CHN1: variants seen among roughly 807,000 people sequenced by gnomAD.
The protein encoded by CHN1 is chimerin 1.
A neutral mutation model predicts 59.5 loss-of-function variants in CHN1; 37 were observed. That is an observed-to-expected ratio of 0.62 (90% CI 0.48 to 0.82). The LOEUF (loss-of-function observed/expected upper bound fraction) is 0.82, where lower values mean the gene tolerates loss of function less well. CHN1 is among the 40% of genes least tolerant of loss of function. CHN1 has a pLI of 0.00. For synonymous variants in CHN1, 206 were observed against 200.4 expected (o/e 1.03, Z -0.24); for missense variants, 469 against 571.0 (o/e 0.82, Z 1.82).
At chr2:174,807,710 G>T (rs532625966) in intron 11 of CHN1, among the ~76,000 whole-genome samples, 2 of 152,216 alleles carry the variant, frequency 1.3e-5, no homozygotes, top group East Asian at 3.9e-4. Flanking sequence ...CTACATGGGA[G>T]CTTGAGCTGA....
intron 3 of CHN1, among the ~76,000 whole-genome samples, chr2:174,923,062 A>C (rs1470320497): frequency 1.3e-5 from 2 of 152,206 alleles, no homozygotes; most frequent in Non-Finnish European, 2.9e-5. Context: ...TTCAATCTTG[A>C]CCATAATATC....
intron 5 of CHN1, among the ~76,000 whole-genome samples, chr2:174,883,501 A>T (rs1687797051): frequency 6.6e-6 from 1 of 152,176 alleles, no homozygotes; most frequent in African/African-American, 2.4e-5. Context: ...AAAAAGACTT[A>T]AGAGTAGAGA....
At chr2:174,832,480 C>T (rs1462030000) in intron 7 of CHN1, among the ~76,000 whole-genome samples, 1 of 152,042 alleles carries the variant, frequency 6.6e-6, no homozygotes, top group African/African-American at 2.4e-5. Context: ...ACTTTAGCCA[C>T]ATTCTATGAA....
chr2:174,901,743 C>T (rs1688394406), intron 5 of CHN1, among the ~76,000 whole-genome samples: 1 of 152,162 alleles, frequency 6.6e-6, no homozygotes, highest in Middle Eastern at 3.4e-3. Flanking sequence ...CTTTGAGGGC[C>T]ATGAGATTAT....
At chr2:174,949,739 T>A (rs1249504975) in intron 2 of CHN1, among the ~76,000 whole-genome samples, 1 of 152,228 alleles carries the variant, frequency 6.6e-6, no homozygotes, top group Non-Finnish European at 1.5e-5. Flanking sequence ...CATAATCTTA[T>A]AAGAAAATTT....
At position 175,005,366 on chromosome 2, in the gene CHN1, C is replaced by A; in HGVS notation, c.-454G>T. 9.1e-7 allele frequency: 1 copy of A among 1,104,258 alleles called. No homozygotes were observed. The highest frequency in any genetic ancestry group is 1.1e-6 in the Non-Finnish European group (1 of 896,248). The allele number at this position is 1,104,258 out of a possible 1,614,324, so 68.4% of individuals were successfully genotyped here. On this transcript the variant is annotated 5_prime_UTR_variant, in exon 1 of 13. Transcript: ENST00000409900. ...CCGCGGCCTCGCAGACGCCATCTTG[C>A]GATAGCGTCTCCCACGAGCTCGGCC...
intron 7 of CHN1, among the ~76,000 whole-genome samples, chr2:174,827,416 G>A (rs1313753938): frequency 6.6e-6 from 1 of 152,212 alleles, no homozygotes; most frequent in African/African-American, 2.4e-5. Flanking sequence ...TAAGTCCTGA[G>A]TTGAAAATCA....
intron 8 of CHN1, among the ~76,000 whole-genome samples, chr2:174,814,900 G>A (rs1685194993): frequency 6.6e-6 from 1 of 152,044 alleles, no homozygotes; most frequent in South Asian, 2.1e-4. Context: ...AGGACCCGAA[G>A]TAAGTAATGC....
intron 11 of CHN1, among the ~76,000 whole-genome samples, chr2:174,806,587 C>T (rs1684892183): frequency 6.6e-6 from 1 of 152,140 alleles, no homozygotes; most frequent in South Asian, 2.1e-4. Flanking sequence ...AAAGCAAGGG[C>T]TCTGACCTTA....
chr2:174,854,606 G>A (rs533732034), intron 6 of CHN1, among the ~76,000 whole-genome samples: 4 of 152,262 alleles, frequency 2.6e-5, no homozygotes, highest in African/African-American at 9.6e-5. Flanking sequence ...CACCTCCTTG[G>A]TCAAGTAACT....
chr2:174,904,813 A>G (rs1688493775), intron 5 of CHN1, among the ~76,000 whole-genome samples: 1 of 152,194 alleles, frequency 6.6e-6, no homozygotes, highest in Admixed American at 6.5e-5. Flanking sequence ...GTCTTATTTT[A>G]TAGATAAAAC....
chr2:174,939,395 A>C (rs952834499), intron 3 of CHN1, among the ~76,000 whole-genome samples: 1 of 152,214 alleles, frequency 6.6e-6, no homozygotes, highest in African/African-American at 2.4e-5. Flanking sequence ...CATATACTTT[A>C]TAACTGTGAA....
At chr2:175,002,700 G>T (rs532246056) in intron 1 of CHN1, among the ~76,000 whole-genome samples, 1 of 152,224 alleles carries the variant, frequency 6.6e-6, no homozygotes, top group East Asian at 1.9e-4. Flanking sequence ...GTTACTCTGG[G>T]GAGCCTCAGG....
intron 6 of CHN1, among the ~76,000 whole-genome samples, chr2:174,853,226 A>G (rs979004138): frequency 5.3e-5 from 8 of 152,106 alleles, no homozygotes; most frequent in Admixed American, 1.3e-4. Context: ...AGTCTATAAC[A>G]ATCTATAACA....
rs11453791 is a variant in CHN1, at chr2:174,873,020, C to CTTT, written c.549+4817_549+4819dup. Among the ~76,000 whole-genome samples, 33 of 147,790 alleles carry CTTT rather than the reference C, an allele frequency of 2.2e-4. No homozygotes were observed. In the South Asian group the frequency reaches 2.6e-3, roughly 12 times the overall value. The stretch of plus-strand genomic sequence containing the variant: ...TCAAGACCACACAGACTAATATATA[C>CTTT]TTTTTTTTTTTTTGACTTTACTTGA... On this transcript the variant is annotated intron_variant, in intron 6 of 12. Transcript: ENST00000409900.
chr2:174,803,728 A>AT (rs1271075652), intron 11 of CHN1, among the ~76,000 whole-genome samples: 1 of 151,908 alleles, frequency 6.6e-6, no homozygotes, highest in Non-Finnish European at 1.5e-5. Context: ...CTAAATGTTA[A>AT]TTTTTTATGG....
chr2:174,972,097 A>G (rs1559004296), intron 1 of CHN1, among the ~76,000 whole-genome samples: 1 of 152,184 alleles, frequency 6.6e-6, no homozygotes, highest in Non-Finnish European at 1.5e-5. Context: ...TTCCAGGACA[A>G]CAAGCTGGTA....
chr2:174,814,148 A>G (rs1685165451), intron 8 of CHN1, among the ~76,000 whole-genome samples: 1 of 152,218 alleles, frequency 6.6e-6, no homozygotes, highest in Non-Finnish European at 1.5e-5. Context: ...CTCCATGTAC[A>G]AAGACAGGCT....
intron 3 of CHN1, among the ~76,000 whole-genome samples, chr2:174,941,076 G>T (rs970243428): frequency 1.3e-5 from 2 of 151,818 alleles, no homozygotes; most frequent in African/African-American, 4.8e-5. Flanking sequence ...CTCACATAAT[G>T]TGTTATAATC....
Sources: allele counts gnomAD v4.1 joint callset (sites outside exome capture counted in the v4.1 genomes callset), GRCh38; gene constraint gnomAD v4.1.1; transcripts MANE v1.5; gene names NCBI Gene and HGNC (gene_info 2026-07-23, HGNC 2026-07-21).